HECW2: variants seen among roughly 807,000 people sequenced by gnomAD.
HECW2 encodes E3 ubiquitin-protein ligase HECW2.
In HECW2, 61 loss-of-function variants were observed where a neutral mutation model predicts 175.2. That is an observed-to-expected ratio of 0.35 (90% CI 0.28 to 0.43). HECW2 has a LOEUF of 0.43. HECW2 is among the 20% of genes least tolerant of loss of function. HECW2 has a pLI of 1.00. For synonymous variants in HECW2, 671 were observed against 731.0 expected (o/e 0.92, Z 1.32); for missense variants, 1,524 against 2,000.5 (o/e 0.76, Z 4.54).
intron 5 of HECW2, among the ~76,000 whole-genome samples, chr2:196,328,534 T>C (rs1473285213): frequency 6.6e-6 from 1 of 152,214 alleles, no homozygotes; most frequent in Admixed American, 6.5e-5. Context: ...TTTAGTCATA[T>C]GTGGTAATTA....
At chr2:196,216,120 C>G in intron 27 of HECW2, 143 bp from the exon 28 acceptor site, 1 of 614,536 alleles carries the variant, frequency 1.6e-6, no homozygotes, top group Non-Finnish European at 2.9e-6. Context: ...GTGGAATAAT[C>G]ACAACACAAT....
At chr2:196,481,543 T>C (rs1686843590) in intron 1 of HECW2, among the ~76,000 whole-genome samples, 1 of 152,220 alleles carries the variant, frequency 6.6e-6, no homozygotes, top group Non-Finnish European at 1.5e-5. Flanking sequence ...TGGGATTAAC[T>C]GACCATGGTT....
At position 196,200,309 on chromosome 2, in the gene HECW2, C is replaced by T. The variant is rs1419198862; in HGVS notation, c.*968G>A. 1 of 152,414 alleles carries T rather than the reference C, an allele frequency of 6.6e-6. No homozygotes were observed. Among genetic ancestry groups the T allele is most frequent in the Non-Finnish European group, 1.5e-5 (1 of 67,978 alleles). The allele number at this position is 152,414 out of a possible 1,614,324, so 9.4% of individuals were successfully genotyped here. A position where few individuals can be genotyped will look rare whatever the true frequency, so the allele number is the denominator to read the frequency against. On this transcript the variant is annotated 3_prime_UTR_variant, in exon 29 of 29. Transcript: ENST00000644978. ...CCCTTCACCTTTGGTACATTCAGTG[C>T]AAAATATTTGGGGAATTTTTTTTAC...
At chr2:196,467,963 G>T (rs924317173) in intron 1 of HECW2, among the ~76,000 whole-genome samples, 5 of 152,108 alleles carry the variant, frequency 3.3e-5, no homozygotes, top group African/African-American at 9.7e-5. Context: ...TAATCATACT[G>T]GCAATACAAA....
At chr2:196,281,197 T>C (rs1690169966) in intron 14 of HECW2, among the ~76,000 whole-genome samples, 1 of 152,136 alleles carries the variant, frequency 6.6e-6, no homozygotes, top group Non-Finnish European at 1.5e-5. Flanking sequence ...CAGTAGTGAC[T>C]GTATCTTAGT....
chr2:196,511,005 G>A lies in HECW2; in HGVS notation c.-35-77547C>T, dbSNP rs143304733. Among the ~76,000 whole-genome samples the A allele has an allele frequency of 5.0e-3, 753 of 152,102 alleles. 6 individuals are homozygous for A. Among genetic ancestry groups the A allele is most frequent in the Middle Eastern group, 0.014 (4 of 294 alleles). On this transcript the variant is annotated intron_variant, in intron 1 of 28. Coordinates refer to ENST00000644978, the MANE Select transcript of HECW2 (RefSeq NM_001348768.2). ...TTTTGAGACAGGGTCTCACTCTGTC[G>A]CCCAGGCTGGAGCGCAGTGGTGTGA...
At position 196,439,559 on chromosome 2, in the gene HECW2, A is replaced by G. The variant is rs1225763370; in HGVS notation, c.-35-6101T>C. On this transcript the variant is annotated intron_variant, in intron 1 of 28. Transcript: ENST00000644978. ...AGAACTGTTTCTGTATTAAAAAGTA[A>G]TGACAACCTCCAAACAACTCCCTTA... is the stretch of plus-strand genomic sequence containing the variant. Among the ~76,000 whole-genome samples the G allele has an allele frequency of 2.6e-5, 4 of 152,192 alleles. No individual in the cohort carries two copies. In the South Asian group the frequency reaches 8.3e-4, roughly 32 times the overall value.
intron 28 of HECW2, among the ~76,000 whole-genome samples, chr2:196,207,082 C>T (rs529613337): frequency 2.0e-5 from 3 of 152,304 alleles, no homozygotes; most frequent in African/African-American, 7.2e-5. Flanking sequence ...GCCTAAGGGA[C>T]AGGAGGCAAG....
intron 14 of HECW2, among the ~76,000 whole-genome samples, chr2:196,286,709 C>A (rs530576397): frequency 6.6e-6 from 1 of 152,282 alleles, no homozygotes; most frequent in Non-Finnish European, 1.5e-5. Context: ...ATTCCATCAA[C>A]AGCTAGATTG....
intron 13 of HECW2, among the ~76,000 whole-genome samples, chr2:196,293,244 C>A (rs1024342563): frequency 6.6e-6 from 1 of 152,206 alleles, no homozygotes; most frequent in Non-Finnish European, 1.5e-5. Flanking sequence ...TAAGTGAGAA[C>A]ATGTGGTGTT....
At chr2:196,546,159 G>A (rs572524696) in intron 1 of HECW2, among the ~76,000 whole-genome samples, 20 of 152,296 alleles carry the variant, frequency 1.3e-4, no homozygotes, top group African/African-American at 4.3e-4. Context: ...TACCTTTTAT[G>A]CAAATGAAGG....
chr2:196,499,701 C>T (rs1020146617), intron 1 of HECW2, among the ~76,000 whole-genome samples: 18 of 152,292 alleles, frequency 1.2e-4, no homozygotes, highest in African/African-American at 3.8e-4. Context: ...CGCTCTAAGA[C>T]TTGACAATGC....
intron 19 of HECW2, among the ~76,000 whole-genome samples, chr2:196,243,168 A>ATTT (rs1553635941): frequency 2.8e-5 from 2 of 72,076 alleles, no homozygotes; most frequent in Admixed American, 1.8e-4. Context: ...TATTTATTGG[A>ATTT]TTCTTTTTTT....
At chr2:196,249,706 G>T (rs964728711) in intron 19 of HECW2, among the ~76,000 whole-genome samples, 1 of 152,218 alleles carries the variant, frequency 6.6e-6, no homozygotes, top group Non-Finnish European at 1.5e-5. Flanking sequence ...GAGGGGAAAT[G>T]AGGTTAGGTA....
At chr2:196,569,989 T>G (rs1366009270) in intron 1 of HECW2, among the ~76,000 whole-genome samples, 1 of 152,228 alleles carries the variant, frequency 6.6e-6, no homozygotes, top group Non-Finnish European at 1.5e-5. Context: ...ATCACACCTG[T>G]GAATAGCCAA....
chr2:196,539,023 C>A (rs1184126139), intron 1 of HECW2, among the ~76,000 whole-genome samples: 1 of 152,198 alleles, frequency 6.6e-6, no homozygotes, highest in Non-Finnish European at 1.5e-5. Context: ...AGACTCGATT[C>A]AACTTTTTTA....
chr2:196,276,270 G>A (rs1689952368), intron 15 of HECW2, among the ~76,000 whole-genome samples: 1 of 152,108 alleles, frequency 6.6e-6, no homozygotes, highest in Non-Finnish European at 1.5e-5. Flanking sequence ...ACAATGTGGA[G>A]GGCTGGACAC....
chr2:196,203,513 C>G (rs1219414102), intron 28 of HECW2, among the ~76,000 whole-genome samples: 1 of 152,088 alleles, frequency 6.6e-6, no homozygotes, highest in African/African-American at 2.4e-5. Context: ...CTGTGTGTGT[C>G]AGACAAATAA....
At chr2:196,469,134 T>C (rs548360622) in intron 1 of HECW2, among the ~76,000 whole-genome samples, 269 of 138,880 alleles carry the variant, frequency 1.9e-3, no homozygotes, top group African/African-American at 7.9e-3. Context: ...TGTGTGTGTG[T>C]GTGTGTGTGT....
Sources: allele counts gnomAD v4.1 joint callset (sites outside exome capture counted in the v4.1 genomes callset), GRCh38; gene constraint gnomAD v4.1.1; transcripts MANE v1.5; gene names NCBI Gene and HGNC (gene_info 2026-07-23, HGNC 2026-07-21).